The following GRM7 variants were observed in gnomAD, a reference collection of about 807,000 sequenced individuals.
The protein encoded by GRM7 is glutamate metabotropic receptor 7, also known as metabotropic glutamate receptor 7.
Under a neutral mutation model 84.5 loss-of-function variants are expected in GRM7, and 35 were observed. The observed-to-expected ratio is 0.41, with a 90% confidence interval of 0.32 to 0.55. The LOEUF is 0.55. GRM7 is among the 20% of genes least tolerant of loss of function. The pLI is 0.19. For synonymous variants in GRM7, 487 were observed against 455.1 expected (o/e 1.07, Z -0.89); for missense variants, 1,003 against 1,194.6 (o/e 0.84, Z 2.36).
chr3:7,485,583 C>T (rs1020406763), intron 7 of GRM7, among the ~76,000 whole-genome samples: 2 of 152,134 alleles, frequency 1.3e-5, no homozygotes, highest in African/African-American at 2.4e-5. Flanking sequence ...AATTTAAACA[C>T]AAAAGATTTA....
chr3:7,434,892 T>G (rs1696979884), intron 5 of GRM7, among the ~76,000 whole-genome samples: 1 of 152,156 alleles, frequency 6.6e-6, no homozygotes. Context: ...CTTAAAATAT[T>G]TAGTAGAATT....
intron 1 of GRM7, among the ~76,000 whole-genome samples, chr3:6,869,560 A>G (rs1354128135): frequency 1.3e-5 from 1 of 77,774 alleles, no homozygotes; most frequent in Non-Finnish European, 2.8e-5. Flanking sequence ...ATACATATGT[A>G]TAATTTACAT....
Position 7,606,895 on chromosome 3 carries a change from T to A in GRM7, c.2451+27538T>A, listed in dbSNP as rs193302122. ...ATGTAAAGCATTGAAGTCACTCTGGTGAAAAGAAAATCTTTATTATCTAGA... is the reference window on the plus strand; with the variant it reads ...ATGTAAAGCATTGAAGTCACTCTGGAGAAAAGAAAATCTTTATTATCTAGA... On this transcript the variant is annotated intron_variant, in intron 8 of 9. Transcript: ENST00000357716. 3.9e-5 allele frequency: 6 copies of A among 152,236 alleles called. No individual in the cohort carries two copies. The South Asian group carries it at 8.3e-4, about 21-fold the overall frequency. The allele number at this position is 152,236 out of a possible 1,614,324, so 9.4% of individuals were successfully genotyped here.
intron 7 of GRM7, among the ~76,000 whole-genome samples, chr3:7,546,145 G>A (rs773637869): frequency 2.0e-5 from 3 of 152,084 alleles, no homozygotes; most frequent in Non-Finnish European, 1.5e-5. Context: ...TTCAGAAAAC[G>A]GTAAAATGAG....
At chr3:7,409,807 G>A (rs372631100) in intron 4 of GRM7, among the ~76,000 whole-genome samples, 53 of 152,036 alleles carry the variant, frequency 3.5e-4, no homozygotes, top group African/African-American at 9.9e-4. Flanking sequence ...TCACCATGTT[G>A]GCCAGGATGG....
intron 1 of GRM7, among the ~76,000 whole-genome samples, chr3:6,963,019 C>T (rs1187919338): frequency 1.3e-5 from 2 of 152,090 alleles, no homozygotes; most frequent in Non-Finnish European, 2.9e-5. Flanking sequence ...TGCCAAAGGG[C>T]CCATGTATAG....
chr3:7,118,615 A>AG (rs1486065192), intron 1 of GRM7, among the ~76,000 whole-genome samples: 1 of 151,496 alleles, frequency 6.6e-6, no homozygotes, highest in Non-Finnish European at 1.5e-5. Flanking sequence ...TTCTGCTAAA[A>AG]AAAAAGAAGA....
chr3:7,030,963 G>GA (rs1696163321), intron 1 of GRM7, among the ~76,000 whole-genome samples: 1 of 151,968 alleles, frequency 6.6e-6, no homozygotes, highest in Non-Finnish European at 1.5e-5. Flanking sequence ...ACAAATCTTG[G>GA]AATAGATGAA....
chr3:7,598,628 T>C (rs74342937), intron 8 of GRM7, among the ~76,000 whole-genome samples: 6 of 152,326 alleles, frequency 3.9e-5, no homozygotes, highest in Non-Finnish European at 8.8e-5. Context: ...ACTTTATAAT[T>C]CTTGGAACAA....
intron 9 of GRM7, among the ~76,000 whole-genome samples, chr3:7,713,272 G>A (rs56078745): frequency 6.6e-6 from 1 of 151,666 alleles, no homozygotes; most frequent in Non-Finnish European, 1.5e-5. Flanking sequence ...GAGTAGCTGA[G>A]ATTACAGGCA....
At chr3:7,076,460 C>A (rs1398576423) in intron 1 of GRM7, among the ~76,000 whole-genome samples, 1 of 152,166 alleles carries the variant, frequency 6.6e-6, no homozygotes, top group Non-Finnish European at 1.5e-5. Context: ...TTTTCCCCTG[C>A]TTTCCTGTCT....
At chr3:6,877,043 G>T (rs1695333033) in intron 1 of GRM7, among the ~76,000 whole-genome samples, 1 of 152,144 alleles carries the variant, frequency 6.6e-6, no homozygotes. Context: ...AGGAATTTCA[G>T]CCAATTGAAT....
At chr3:7,344,986 A>G (rs1692824808) in intron 4 of GRM7, among the ~76,000 whole-genome samples, 1 of 152,138 alleles carries the variant, frequency 6.6e-6, no homozygotes, top group African/African-American at 2.4e-5. Context: ...TTCTGATTTG[A>G]TCATTACACA....
At chr3:7,004,161 C>T (rs1197635315) in intron 1 of GRM7, among the ~76,000 whole-genome samples, 2 of 152,010 alleles carry the variant, frequency 1.3e-5, no homozygotes, top group African/African-American at 2.4e-5. Flanking sequence ...TGCAATATCT[C>T]GTGATTATAC....
chr3:7,344,145 T>C (rs1575195076), intron 4 of GRM7, among the ~76,000 whole-genome samples: 2 of 152,108 alleles, frequency 1.3e-5, no homozygotes, highest in East Asian at 3.9e-4. Flanking sequence ...ATTACATAGG[T>C]AAACTTGTGA....
chr3:7,341,903 A>T (rs1174799679), intron 4 of GRM7, among the ~76,000 whole-genome samples: 1 of 152,148 alleles, frequency 6.6e-6, no homozygotes, highest in African/African-American at 2.4e-5. Flanking sequence ...TAAACCATTA[A>T]TCTATTGCTG....
intron 4 of GRM7, among the ~76,000 whole-genome samples, chr3:7,319,020 C>T (rs1700678439): frequency 6.6e-6 from 1 of 152,026 alleles, no homozygotes; most frequent in African/African-American, 2.4e-5. Context: ...GAGGTTGTTT[C>T]ATTGAACTTG....
chr3:7,606,573 C>T (rs1474384560), intron 8 of GRM7, among the ~76,000 whole-genome samples: 1 of 151,956 alleles, frequency 6.6e-6, no homozygotes, highest in Non-Finnish European at 1.5e-5. Context: ...TCTTTGTCAC[C>T]CAGGCTGGAG....
chr3:7,012,022 C>T (rs997237464), intron 1 of GRM7, among the ~76,000 whole-genome samples: 2 of 149,312 alleles, frequency 1.3e-5, no homozygotes, highest in Non-Finnish European at 3.0e-5. Context: ...GGTTAAACTG[C>T]TGAATCAGAT....
Sources: gnomAD v4.1 joint callset for allele counts (sites outside exome capture counted in the v4.1 genomes callset) on GRCh38, gnomAD v4.1.1 for gene constraint, MANE v1.5 for transcripts, NCBI Gene and HGNC (gene_info 2026-07-23, HGNC 2026-07-21) for gene names.